SLC39A11: variants seen among roughly 807,000 people sequenced by gnomAD.
The protein encoded by SLC39A11 is zinc transporter ZIP11.
In SLC39A11, 33 loss-of-function variants were observed where a neutral mutation model predicts 36.1. The ratio of observed to expected loss-of-function variants is 0.91; its 90% CI spans 0.69 to 1.22. The LOEUF is 1.22. Among genes scored for constraint, SLC39A11 ranks in the 50% most tolerant of loss-of-function variants. The pLI, the probability that SLC39A11 is intolerant of heterozygous loss-of-function variation, is 0.00. For missense variants in SLC39A11, 432 were observed against 430.3 expected (o/e 1.00, Z -0.03); for synonymous variants, 166 against 170.3 (o/e 0.97, Z 0.20).
chr17:72,800,305 T>A (rs1371789055), intron 6 of SLC39A11, among the ~76,000 whole-genome samples: 1 of 20,318 alleles, frequency 4.9e-5, no homozygotes, highest in African/African-American at 1.2e-4. Flanking sequence ...CTACAATAAT[T>A]TTTTTTTTTT....
intron 6 of SLC39A11, among the ~76,000 whole-genome samples, chr17:72,744,969 G>A (rs1191762332): frequency 1.3e-5 from 2 of 152,178 alleles, no homozygotes; most frequent in Non-Finnish European, 2.9e-5. Context: ...AACCTCCTGA[G>A]TAGCTGGGAT....
chr17:72,701,727 CAAAAAAAA>C lies in SLC39A11; in HGVS notation c.671+34915_671+34922del, dbSNP rs57220008. On this transcript the variant is annotated intron_variant, in intron 7 of 9. Coordinates refer to ENST00000255559, the MANE Select transcript of SLC39A11 (RefSeq NM_139177.4). Reference sequence around the variant, plus strand: ...TGGGAGACAGAGGGAGATTCTGTCTCAAAAAAAAAAAAAAAAAAAGAAAAAGAGAAAGA... The same window carrying C: ...TGGGAGACAGAGGGAGATTCTGTCTCAAAAAAAAAAAGAAAAAGAGAAAGA... 5.6e-5 allele frequency among the ~76,000 whole-genome samples: 5 copies of C among 88,864 alleles called. No individual in the cohort carries two copies. The South Asian group carries it at 1.8e-3, about 32-fold the overall frequency. The allele number at this position is 88,864 out of a possible 152,430, so 58.3% of individuals were successfully genotyped here.
chr17:72,670,170 C>T (rs1404015065), intron 7 of SLC39A11, among the ~76,000 whole-genome samples: 5 of 41,700 alleles, frequency 1.2e-4, no homozygotes, highest in African/African-American at 6.9e-4. Context: ...TACACACACA[C>T]ACACACACAC....
At chr17:72,867,382 C>T (rs1412218666) in intron 5 of SLC39A11, among the ~76,000 whole-genome samples, 3 of 152,124 alleles carry the variant, frequency 2.0e-5, no homozygotes, top group African/African-American at 7.2e-5. Context: ...CACCTGTAAT[C>T]CCAGCTACTC....
chr17:72,720,086 T>C (rs914780281), intron 7 of SLC39A11, among the ~76,000 whole-genome samples: 3 of 152,082 alleles, frequency 2.0e-5, no homozygotes, highest in African/African-American at 7.2e-5. Context: ...TGACCACGCA[T>C]TGCCTGGTTC....
At chr17:72,804,091 G>A (rs571317392) in intron 6 of SLC39A11, among the ~76,000 whole-genome samples, 1 of 152,242 alleles carries the variant, frequency 6.6e-6, no homozygotes, top group African/African-American at 2.4e-5. Flanking sequence ...CGCCTCCTGG[G>A]TTCACGCCAT....
chr17:72,812,380 A>G (rs2077459992), intron 6 of SLC39A11, among the ~76,000 whole-genome samples: 2 of 152,238 alleles, frequency 1.3e-5, no homozygotes, highest in Non-Finnish European at 2.9e-5. Context: ...AAATTAAGGT[A>G]CATTTGAATG....
chr17:72,697,543 C>A (rs116791061), intron 7 of SLC39A11, among the ~76,000 whole-genome samples: 3 of 152,302 alleles, frequency 2.0e-5, no homozygotes, highest in African/African-American at 7.2e-5. Context: ...CCCATCACCA[C>A]CACACCATCT....
Position 72,764,876 on chromosome 17 carries a change from T to C in SLC39A11, c.602-28157A>G, listed in dbSNP as rs142360536. Reference sequence around the variant, plus strand: ...TCCAGTGATGGTGGAGGTAGACCAATCTGAAACCACCTTTGCAAAAAATTA... The same window carrying C: ...TCCAGTGATGGTGGAGGTAGACCAACCTGAAACCACCTTTGCAAAAAATTA... On this transcript the variant is annotated intron_variant, in intron 6 of 9. Transcript: ENST00000255559. 4.9e-3 allele frequency among the ~76,000 whole-genome samples: 748 copies of C among 152,210 alleles called. 5 individuals are homozygous for C. Among genetic ancestry groups the C allele is most frequent in the Middle Eastern group, 0.017 (5 of 294 alleles).
chr17:73,062,475 A>AAAAAAAGAAAAAAAAAAAC (rs56021607), intron 3 of SLC39A11, among the ~76,000 whole-genome samples: 1 of 87,034 alleles, frequency 1.1e-5, no homozygotes, highest in African/African-American at 4.6e-5. Context: ...AAAAAAAAAA[A>AAAAAAAGAAAAAAAAAAAC]AAACTTTAGG....
intron 3 of SLC39A11, among the ~76,000 whole-genome samples, chr17:73,073,356 G>A (rs977765502): frequency 3.2e-4 from 48 of 152,280 alleles, no homozygotes; most frequent in African/African-American, 1.1e-3. Context: ...CAACCACGCT[G>A]TGAATAATGG....
intron 3 of SLC39A11, among the ~76,000 whole-genome samples, chr17:73,076,130 C>G (rs2060311749): frequency 6.6e-6 from 1 of 150,662 alleles, no homozygotes; most frequent in Admixed American, 6.6e-5. Flanking sequence ...TTAATGGTAA[C>G]CACTCTCCTA....
intron 4 of SLC39A11, among the ~76,000 whole-genome samples, chr17:73,011,928 T>C (rs550950285): frequency 2.0e-5 from 3 of 148,792 alleles, no homozygotes; most frequent in Non-Finnish European, 4.5e-5. Flanking sequence ...TCCCAAAGTG[T>C]TGGGATTACA....
At chr17:72,686,821 G>C (rs959098653) in intron 7 of SLC39A11, among the ~76,000 whole-genome samples, 2 of 152,130 alleles carry the variant, frequency 1.3e-5, no homozygotes, top group Non-Finnish European at 2.9e-5. Flanking sequence ...TCTAAACAGG[G>C]GCGTAATGGG....
intron 6 of SLC39A11, among the ~76,000 whole-genome samples, chr17:72,766,305 A>C (rs2075756438): frequency 6.6e-6 from 1 of 152,176 alleles, no homozygotes. Context: ...ATTAGTCTGG[A>C]AGAAACCATC....
chr17:72,805,763 TTC>T (rs1391486190), intron 6 of SLC39A11, among the ~76,000 whole-genome samples: 3 of 151,252 alleles, frequency 2.0e-5, no homozygotes, highest in Admixed American at 6.6e-5. Context: ...TTTTTTTTTT[TTC>T]TGAGATGGAG....
At chr17:73,058,422 T>C (rs1022676044) in intron 3 of SLC39A11, among the ~76,000 whole-genome samples, 3 of 152,214 alleles carry the variant, frequency 2.0e-5, no homozygotes, top group Non-Finnish European at 4.4e-5. Flanking sequence ...TCTCGTCTCC[T>C]GTGATAGGAG....
intron 5 of SLC39A11, among the ~76,000 whole-genome samples, chr17:72,923,438 T>C (rs1447409951): frequency 5.3e-5 from 8 of 151,984 alleles, no homozygotes; most frequent in Non-Finnish European, 8.8e-5. Flanking sequence ...AGATGTGGGA[T>C]TGCATGCAAA....
chr17:72,873,711 C>T (rs1258839129), intron 5 of SLC39A11, among the ~76,000 whole-genome samples: 1 of 152,170 alleles, frequency 6.6e-6, no homozygotes, highest in Non-Finnish European at 1.5e-5. Context: ...TGGATTGTTT[C>T]CTTGGAATAT....
Sources: gnomAD v4.1 joint callset for allele counts (sites outside exome capture counted in the v4.1 genomes callset) on GRCh38, gnomAD v4.1.1 for gene constraint, MANE v1.5 for transcripts, NCBI Gene and HGNC (gene_info 2026-07-23, HGNC 2026-07-21) for gene names.